Variants in NNMT observed in about 807,000 individuals in gnomAD.
NNMT encodes the protein nicotinamide N-methyltransferase.
Under a neutral mutation model 11.7 loss-of-function variants are expected in NNMT, and 10 were observed. That is an observed-to-expected ratio of 0.85 (90% CI 0.53 to 1.45). The LOEUF is 1.45. NNMT is among the 40% of genes most tolerant of loss of function. The probability of loss-of-function intolerance (pLI) is 0.00; values close to 1 mark genes in which losing one functional copy is unlikely to be tolerated. For synonymous variants in NNMT, 143 were observed against 133.8 expected (o/e 1.07, Z -0.48); for missense variants, 381 against 319.4 (o/e 1.19, Z -1.47).
chr11:114,305,412 T>A lies in NNMT; in HGVS notation c.363-6633T>A, dbSNP rs550365903. Among the ~76,000 whole-genome samples, 1,071 of 151,968 alleles carry A rather than the reference T, an allele frequency of 7.0e-3. 39 individuals are homozygous for A. The highest frequency in any genetic ancestry group is 3.5e-3 in the South Asian group (17 of 4,800). On this transcript the variant is annotated intron_variant, in intron 2 of 2. Coordinates refer to ENST00000299964, the MANE Select transcript of NNMT (RefSeq NM_006169.3). Reference sequence around the variant, plus strand: ...TGTGCACAACGTGCAGGTTTGTTACTTATGTATACATGTGCCATGTTGGTG... The same window carrying A: ...TGTGCACAACGTGCAGGTTTGTTACATATGTATACATGTGCCATGTTGGTG...
upstream of NNMT, among the ~76,000 whole-genome samples, chr11:114,295,504 A>C (rs112682272): frequency 0.038 from 5,260 of 139,120 alleles, 185 homozygotes; most frequent in East Asian, 0.093. Flanking sequence ...GGCTCACTGC[A>C]AGCTCCGCCC....
intron 1 of NNMT, chr11:114,297,445 A>G (rs1325476657): frequency 6.7e-6 from 1 of 149,770 alleles, no homozygotes; most frequent in Non-Finnish European, 1.5e-5. Flanking sequence ...CTTTGTCACT[A>G]TGATGTAAAT....
At chr11:114,297,108 T>C (rs1002349765) in intron 1 of NNMT, among the ~76,000 whole-genome samples, 6 of 152,200 alleles carry the variant, frequency 3.9e-5, no homozygotes, top group African/African-American at 9.7e-5. Flanking sequence ...AACTGGGTGA[T>C]TTTTGGAGAA....
chr11:114,268,687 T>C (rs1032315137), intron 2 of NNMT, among the ~76,000 whole-genome samples: 2 of 145,324 alleles, frequency 1.4e-5, no homozygotes, highest in Non-Finnish European at 3.0e-5. Flanking sequence ...GAGAATGGCG[T>C]GAACCTGGGA....
chr11:114,294,768 A>AC (rs1945360292), upstream of NNMT, among the ~76,000 whole-genome samples: 1 of 151,856 alleles, frequency 6.6e-6, no homozygotes, highest in Non-Finnish European at 1.5e-5. Flanking sequence ...ATAAATAGCA[A>AC]CCGAAAAAAA....
chr11:114,272,629 G>A lies in NNMT; in HGVS notation c.-130+9695G>A, dbSNP rs115595261. On this transcript the variant is annotated intron_variant, in intron 2 of 4. Transcript: ENST00000535401. ...TGTATCTTTGATGGTCCTGAGTGAA[G>A]CTGCGAAGGCATCAGAAAGTAGGAA... is the stretch of plus-strand genomic sequence containing the variant. Among the ~76,000 whole-genome samples, 702 of 152,314 alleles carry A rather than the reference G, an allele frequency of 4.6e-3. 3 individuals are homozygous for A. Among genetic ancestry groups the A allele is most frequent in the African/African-American group, 0.016 (668 of 41,560 alleles).
intron 2 of NNMT, chr11:114,270,660 C>G (rs947627853): frequency 3.9e-5 from 6 of 152,252 alleles, no homozygotes; most frequent in African/African-American, 1.4e-4. Flanking sequence ...CAGATGGCCA[C>G]CTTCTCACTG....
chr11:114,261,279 T>C (rs898968120), intron 1 of NNMT, among the ~76,000 whole-genome samples: 19 of 152,086 alleles, frequency 1.2e-4, no homozygotes, highest in African/African-American at 4.1e-4. Flanking sequence ...GGGTTGCACA[T>C]CCCCTTAAAA....
rs769948100 is a variant in NNMT, at chr11:114,312,128, T to C, written c.446T>C (p.Leu149Pro). 1.9e-6 allele frequency: 3 copies of C among 1,613,634 alleles called. No individual in the cohort carries two copies. The highest frequency in any genetic ancestry group is 2.5e-6 in the Non-Finnish European group (3 of 1,179,764). Residue 149 changes from leucine to proline, a missense_variant, in exon 3 of 3, where the codon CTG becomes CCG. Coordinates refer to ENST00000299964, the MANE Select transcript of NNMT (RefSeq NM_006169.3). Reference sequence around the variant, plus strand: ...TGTGATGTGACTCAGAGCCAGCCACTGGGGGCCGTCCCCTTACCCCCGGCT... The same window carrying C: ...TGTGATGTGACTCAGAGCCAGCCACCGGGGGCCGTCCCCTTACCCCCGGCT... ...LKCDVTQSQP[L>P]GAVPLPPADC...
intron 2 of NNMT, among the ~76,000 whole-genome samples, chr11:114,301,518 T>G (rs1273382054): frequency 6.6e-6 from 1 of 152,094 alleles, no homozygotes; most frequent in Admixed American, 6.5e-5. Context: ...AAGCCAATCT[T>G]AAAAGGCTAC....
At chr11:114,279,969 G>T (rs1945247299) in intron 2 of NNMT, among the ~76,000 whole-genome samples, 1 of 152,144 alleles carries the variant, frequency 6.6e-6, no homozygotes, top group Non-Finnish European at 1.5e-5. Flanking sequence ...GTGGACTAGG[G>T]CGTCGAAGGT....
chr11:114,269,675 A>G (rs1055021973), intron 2 of NNMT, among the ~76,000 whole-genome samples: 1 of 152,054 alleles, frequency 6.6e-6, no homozygotes, highest in African/African-American at 2.4e-5. Flanking sequence ...TTCACAGCCA[A>G]GCTTTCAGAG....
rs1945186970 is a variant in NNMT at position 114,273,383 on chromosome 11, CA to C, written c.-130+10450del. ...CTTGTTCATTTTGGAAGCCCCTTGC[CA>C]GAGTCCAAATGATATTGATATTTTG... On this transcript the variant is annotated intron_variant, in intron 2 of 4. Coordinates refer to the NNMT transcript ENST00000535401. Among the ~76,000 whole-genome samples the C allele has an allele frequency of 2.0e-5, 3 of 152,154 alleles. No individual in the cohort carries two copies. The South Asian group carries it at 6.2e-4, about 31-fold the overall frequency.
rs900640715 is a variant in NNMT at position 114,298,080 on chromosome 11, A to G, written c.284A>G (p.Glu95Gly). Residue 95 changes from glutamate to glycine, a missense_variant, in exon 2 of 3, where the codon GAG (glutamate) becomes GGG (glycine). Transcript: ENST00000299964. ...TCAGACCAGAACCTGCAGGAGCTGGAGAAGTGGCTGAAGAAAGAGCCAGAG... is the reference window on the plus strand; with the variant it reads ...TCAGACCAGAACCTGCAGGAGCTGGGGAAGTGGCTGAAGAAAGAGCCAGAG... ...DYSDQNLQEL[E>G]KWLKKEPEAF... 1.9e-6 allele frequency: 3 copies of G among 1,614,158 alleles called. No homozygotes were observed. Among genetic ancestry groups the G allele is most frequent in the Admixed American group, 3.3e-5 (2 of 60,020 alleles).
chr11:114,261,593 C>CAAAA (rs1261486486), intron 1 of NNMT, among the ~76,000 whole-genome samples: 1 of 151,942 alleles, frequency 6.6e-6, no homozygotes, highest in Non-Finnish European at 1.5e-5. Flanking sequence ...TCAAAACAAA[C>CAAAA]AAACAAACAA....
upstream of NNMT, among the ~76,000 whole-genome samples, chr11:114,292,356 G>A (rs184760472): frequency 1.6e-4 from 24 of 152,316 alleles, no homozygotes; most frequent in Admixed American, 4.6e-4. Flanking sequence ...CATAAGCAAT[G>A]ATGGTGTTCA....
upstream of NNMT, among the ~76,000 whole-genome samples, chr11:114,294,147 C>T (rs142000988): frequency 1.6e-4 from 25 of 151,914 alleles, no homozygotes; most frequent in Admixed American, 7.2e-4. Flanking sequence ...GGAAGGGTAG[C>T]GAGGTGGGTA....
chr11:114,274,209 T>G (rs1056007224), intron 2 of NNMT, among the ~76,000 whole-genome samples: 1 of 152,198 alleles, frequency 6.6e-6, no homozygotes, highest in Non-Finnish European at 1.5e-5. Flanking sequence ...CTAGAGAAAG[T>G]AGAACCTTTT....
chr11:114,260,103 G>C (rs1395964709), intron 1 of NNMT, among the ~76,000 whole-genome samples: 1 of 152,188 alleles, frequency 6.6e-6, no homozygotes, highest in Non-Finnish European at 1.5e-5. Context: ...AGAGGGGTCT[G>C]CTATTCACAG....
Sources: allele counts gnomAD v4.1 joint callset (sites outside exome capture counted in the v4.1 genomes callset), GRCh38; gene constraint gnomAD v4.1.1; transcripts MANE v1.5; gene names NCBI Gene and HGNC (gene_info 2026-07-23, HGNC 2026-07-21).